MYO1B: variants seen among roughly 807,000 people sequenced by gnomAD.
MYO1B encodes the protein unconventional myosin-Ib.
In MYO1B, 72 loss-of-function variants were observed where a neutral mutation model predicts 159.7. That is an observed-to-expected ratio of 0.45 (90% CI 0.37 to 0.55). The LOEUF (loss-of-function observed/expected upper bound fraction) is 0.55. Among genes scored for constraint, MYO1B ranks in the 20% least tolerant of loss-of-function variants. MYO1B has a pLI of 0.00. For synonymous variants in MYO1B, 468 were observed against 473.8 expected, an observed-to-expected ratio of 0.99 and a Z score of 0.16; for missense variants, 1,062 against 1,364.8, an observed-to-expected ratio of 0.78 and a Z score of 3.50.
chr2:191,329,315 C>CT (rs1251668904), intron 3 of MYO1B, among the ~76,000 whole-genome samples: 1 of 152,042 alleles, frequency 6.6e-6, no homozygotes, highest in East Asian at 1.9e-4. Context: ...TCTGATGGAT[C>CT]TTAGAGTTGC....
chr2:191,250,293 T>C (rs1686032576), intron 1 of MYO1B, among the ~76,000 whole-genome samples: 1 of 152,160 alleles, frequency 6.6e-6, no homozygotes, highest in Non-Finnish European at 1.5e-5. Context: ...CTGACTTAGG[T>C]TTTATTTCCT....
intron 30 of MYO1B, among the ~76,000 whole-genome samples, chr2:191,420,311 T>G (rs1199514089): frequency 1.3e-5 from 2 of 152,322 alleles, no homozygotes; most frequent in African/African-American, 4.8e-5. Context: ...AAAAATTACC[T>G]ATAAAGTATA....
At chr2:191,354,616 A>AC (rs1693151721) in intron 7 of MYO1B, among the ~76,000 whole-genome samples, 1 of 151,884 alleles carries the variant, frequency 6.6e-6, no homozygotes, top group African/African-American at 2.4e-5. Context: ...CTGCCTGACA[A>AC]CCCCCCGCCC....
chr2:191,387,355 C>A lies in MYO1B; in HGVS notation c.1686C>A (p.Ile562=), dbSNP rs1282873409. 6.2e-7 allele frequency: 1 copy of A among 1,614,196 alleles called. No homozygotes were observed. Among genetic ancestry groups the A allele is most frequent in the South Asian group, 1.1e-5 (1 of 91,074 alleles). ...TCCCCGAAGGGAATCCCGCCAAGAT[C>A]AACCTGAAAAGGCCTCCTACAGCAG... ...SLFPEGNPAK[I]NLKRPPTAGS... The change falls in exon 17 of 31, where the codon ATC becomes ATA. Residue 562 remains isoleucine, a synonymous_variant. Coordinates refer to ENST00000392318, the MANE Select transcript of MYO1B (RefSeq NM_001130158.3).
chr2:191,416,285 T>A, intron 30 of MYO1B, 43 bp downstream of exon 30: 1 of 1,612,030 alleles, frequency 6.2e-7, no homozygotes. Context: ...CTCTTTCAGC[T>A]TTTTTGTTTT....
chr2:191,319,319 A>G (rs1409514661), intron 3 of MYO1B, among the ~76,000 whole-genome samples: 2 of 152,312 alleles, frequency 1.3e-5, no homozygotes, highest in Admixed American at 6.5e-5. Context: ...ACACACTCAC[A>G]TAAGCCCTAC....
chr2:191,358,744 G>A (rs1010382553), intron 7 of MYO1B, among the ~76,000 whole-genome samples: 1 of 152,212 alleles, frequency 6.6e-6, no homozygotes, highest in African/African-American at 2.4e-5. Context: ...TAAGGTGAGA[G>A]GACAGCAGCT....
At chr2:191,256,458 A>G (rs545319393) in intron 1 of MYO1B, among the ~76,000 whole-genome samples, 9 of 152,286 alleles carry the variant, frequency 5.9e-5, no homozygotes, top group East Asian at 5.8e-4. Context: ...CTTTCCTGCA[A>G]TGCTTTCCTG....
chr2:191,254,651 G>A (rs770999524), intron 1 of MYO1B, among the ~76,000 whole-genome samples: 2 of 151,944 alleles, frequency 1.3e-5, no homozygotes, highest in Admixed American at 6.5e-5. Flanking sequence ...GACTATTGGT[G>A]TGCGCCTCCA....
At chr2:191,407,969 A>G in intron 24 of MYO1B, 146 bp from the exon 25 acceptor site, 2 of 498,188 alleles carry the variant, frequency 4.0e-6, no homozygotes, top group Non-Finnish European at 7.1e-6. Flanking sequence ...CCACTATATG[A>G]ATGTGTTTCA....
In MYO1B at chr2:191,386,092, G is replaced by T; in HGVS notation, c.1554+8G>T. On this transcript the variant is annotated splice_region_variant and intron_variant, in intron 16 of 30. Transcript: ENST00000392318. ...CAGCATTATGCTGGAAAGGTATGGG[G>T]GAGCTGTGAGCACCCAGTCAGGCCT... 1 of 1,613,696 alleles carries T rather than the reference G, an allele frequency of 6.2e-7. No homozygotes were observed.
At chr2:191,328,074 C>T (rs767540343) in intron 3 of MYO1B, among the ~76,000 whole-genome samples, 1 of 152,190 alleles carries the variant, frequency 6.6e-6, no homozygotes, top group Non-Finnish European at 1.5e-5. Flanking sequence ...CAAGTTATGA[C>T]TCTTCTGAGA....
At chr2:191,342,761 C>T (rs1308985966) in intron 5 of MYO1B, among the ~76,000 whole-genome samples, 8 of 152,116 alleles carry the variant, frequency 5.3e-5, no homozygotes, top group East Asian at 1.9e-4. Flanking sequence ...ACATGAGAAT[C>T]GCTTGAGTCT....
chr2:191,336,841 C>T (rs1409522162), intron 4 of MYO1B, among the ~76,000 whole-genome samples: 1 of 152,076 alleles, frequency 6.6e-6, no homozygotes, highest in Non-Finnish European at 1.5e-5. Flanking sequence ...CCTACAAAAG[C>T]TCAATTCCTA....
chr2:191,423,756 C>T (rs1174610948), intron 30 of MYO1B, 81 bp from the exon 31 acceptor site: 1 of 1,460,974 alleles, frequency 6.8e-7, no homozygotes, highest in East Asian at 2.3e-5. Context: ...GATCAGTATC[C>T]ATTAAAATAC....
intron 3 of MYO1B, among the ~76,000 whole-genome samples, chr2:191,312,290 T>A (rs1268640758): frequency 6.6e-6 from 1 of 152,202 alleles, no homozygotes; most frequent in Admixed American, 6.5e-5. Flanking sequence ...TCCCACTGTT[T>A]GCTTCATTTC....
At chr2:191,374,583 A>G (rs1413308935) in intron 13 of MYO1B, among the ~76,000 whole-genome samples, 1 of 152,208 alleles carries the variant, frequency 6.6e-6, no homozygotes, top group Non-Finnish European at 1.5e-5. Context: ...CCATGGGTTG[A>G]TGACACATGG....
At position 191,386,163 on chromosome 2, in the gene MYO1B, C is replaced by T. The variant is rs10931499; in HGVS notation, c.1554+79C>T. 7,793 of 1,335,932 alleles carry T rather than the reference C, an allele frequency of 5.8e-3. 325 individuals carry two copies. In the Admixed American group the frequency reaches 0.088, roughly 15 times the overall value. 82.8% of individuals were successfully genotyped at this position (1,335,932 alleles called of 1,614,324 possible). A position where few individuals can be genotyped will look rare whatever the true frequency, so the allele number is the denominator to read the frequency against. ...AGGCTGTACCTCAGAGATGGGCGTT[C>T]GAAACCCCATTAACTTGTGAGGACA... On this transcript the variant is annotated intron_variant, in intron 16 of 30. Coordinates refer to ENST00000392318, the MANE Select transcript of MYO1B (RefSeq NM_001130158.3).
At chr2:191,415,269 C>T (rs1437117184) in intron 29 of MYO1B, among the ~76,000 whole-genome samples, 1 of 152,208 alleles carries the variant, frequency 6.6e-6, no homozygotes, top group African/African-American at 2.4e-5. Flanking sequence ...ACTGGAGGAA[C>T]AGGGCCTGTC....
Sources: allele counts gnomAD v4.1 joint callset (sites outside exome capture counted in the v4.1 genomes callset), GRCh38; gene constraint gnomAD v4.1.1; transcripts MANE v1.5; gene names NCBI Gene and HGNC (gene_info 2026-07-23, HGNC 2026-07-21).